The following SHISA6 variants were observed in gnomAD, a reference collection of about 807,000 sequenced individuals.
The protein encoded by SHISA6 is shisa family member 6, also known as protein shisa-6.
In SHISA6, 22 loss-of-function variants were observed where a neutral mutation model predicts 47.9. That is an observed-to-expected ratio of 0.46 (90% CI 0.33 to 0.66). SHISA6 has a LOEUF of 0.66. Among genes scored for constraint, SHISA6 ranks in the 30% least tolerant of loss-of-function variants. The pLI is 0.02. For synonymous variants in SHISA6, 388 were observed against 337.8 expected, an observed-to-expected ratio of 1.15 and a Z score of -1.63; for missense variants, 680 against 764.6, an observed-to-expected ratio of 0.89 and a Z score of 1.30.
intron 2 of SHISA6, among the ~76,000 whole-genome samples, chr17:11,329,702 A>C (rs1444822554): frequency 2.6e-5 from 4 of 152,112 alleles, no homozygotes; most frequent in African/African-American, 7.2e-5. Context: ...GATCTGCAAG[A>C]ACCAGTTGGA....
chr17:11,250,928 G>A lies in SHISA6; in HGVS notation c.638+8868G>A, dbSNP rs76385825. Among the ~76,000 whole-genome samples the A allele has an allele frequency of 5.6e-3, 856 of 152,156 alleles. 6 individuals carry two copies. Among genetic ancestry groups the A allele is most frequent in the Non-Finnish European group, 8.6e-3 (585 of 68,008 alleles). On this transcript the variant is annotated intron_variant, in intron 1 of 5. Coordinates refer to ENST00000441885, the MANE Select transcript of SHISA6 (RefSeq NM_207386.4). ...TACTCATAAGAGTGCCGGGTCTCGA[G>A]GGCTTACTCTGTACCAGCATCCAGC... is the stretch of plus-strand genomic sequence containing the variant.
Position 11,508,555 on chromosome 17 carries a change from C to A in SHISA6, c.896-43341C>A, listed in dbSNP as rs367587657. 2.2e-4 allele frequency among the ~76,000 whole-genome samples: 28 copies of A among 126,974 alleles called. 5 individuals carry two copies. The East Asian group carries it at 7.5e-3, about 34-fold the overall frequency. 83.3% of individuals were successfully genotyped at this position (126,974 alleles called of 152,430 possible). Reference sequence around the variant, plus strand: ...TGAATCAGCCCCTCCCCTCCTCTCCCCTCCCCTCCCCTCCCCTTCCTTTCC... The same window carrying A: ...TGAATCAGCCCCTCCCCTCCTCTCCACTCCCCTCCCCTCCCCTTCCTTTCC... On this transcript the variant is annotated intron_variant, in intron 3 of 5. Coordinates refer to ENST00000441885, the MANE Select transcript of SHISA6 (RefSeq NM_207386.4).
In SHISA6 at chr17:11,270,176, A is replaced by C. The variant is rs1229643970; in HGVS notation, c.799+6650A>C. 3.3e-5 allele frequency among the ~76,000 whole-genome samples: 5 copies of C among 152,166 alleles called. No individual in the cohort carries two copies. In the South Asian group the frequency reaches 1.0e-3, roughly 32 times the overall value. ...TTTTTAATAGAGACAGGGTTTCACC[A>C]TGTTGGTCAGGCTAGTCTCAAACTC... is the stretch of plus-strand genomic sequence containing the variant. On this transcript the variant is annotated intron_variant, in intron 2 of 5. Transcript: ENST00000441885.
At chr17:11,510,469 A>T (rs757743860) in intron 3 of SHISA6, among the ~76,000 whole-genome samples, 4 of 152,202 alleles carry the variant, frequency 2.6e-5, no homozygotes, top group Non-Finnish European at 5.9e-5. Context: ...GACCTTGCCA[A>T]GTGATGGGGT....
At chr17:11,391,126 A>G (rs1354718299) in intron 3 of SHISA6, among the ~76,000 whole-genome samples, 1 of 152,194 alleles carries the variant, frequency 6.6e-6, no homozygotes, top group African/African-American at 2.4e-5. Context: ...TCCTAAACAA[A>G]GACATGATCA....
intron 2 of SHISA6, among the ~76,000 whole-genome samples, chr17:11,324,791 G>A (rs719251): frequency 0.18 from 27,632 of 151,970 alleles, 2,601 homozygotes; most frequent in African/African-American, 0.23. Flanking sequence ...CATGTCATCC[G>A]ACCTGTTATG....
chr17:11,397,139 G>GT (rs1913597321), intron 3 of SHISA6, among the ~76,000 whole-genome samples: 1 of 152,000 alleles, frequency 6.6e-6, no homozygotes. Context: ...ATTTTCATAT[G>GT]TTTTTTTCCT....
At chr17:11,515,260 A>G (rs952642493) in intron 3 of SHISA6, among the ~76,000 whole-genome samples, 16 of 148,624 alleles carry the variant, frequency 1.1e-4, no homozygotes, top group African/African-American at 3.3e-4. Flanking sequence ...AAAAAAAAAG[A>G]AAAAAGAAAA....
Position 11,241,850 on chromosome 17 carries a change from C to G in SHISA6, c.428C>G (p.Thr143Ser). 1 of 1,551,290 alleles carries G rather than the reference C, an allele frequency of 6.4e-7. No homozygotes were observed. Among genetic ancestry groups the G allele is most frequent in the Non-Finnish European group, 8.7e-7 (1 of 1,147,022 alleles). Residue 143 changes from threonine (T) to serine (S), a missense_variant, in exon 1 of 6, where the codon ACC becomes AGC. Thr to Ser is a moderately conservative substitution (Grantham distance 58). This residue lies in a region of SHISA6 where 559 missense variants were observed against 674.1 expected (regional missense o/e 0.83). Coordinates refer to ENST00000441885, the MANE Select transcript of SHISA6 (RefSeq NM_207386.4). This position sits in a 1 kb window ranked among gnomAD's most constrained non-coding sequence, Gnocchi z 5.5. ...GAGAAGCTGGACCAGCGCCAGTGCACCAACTACCAGAGCCCGGTGTGGGTA... is the reference window on the plus strand; with the variant it reads ...GAGAAGCTGGACCAGCGCCAGTGCAGCAACTACCAGAGCCCGGTGTGGGTA... ...RHEKLDQRQCTNYQSPVWVQT... is the reference protein window; with the variant it reads ...RHEKLDQRQCSNYQSPVWVQT...
intron 3 of SHISA6, among the ~76,000 whole-genome samples, chr17:11,456,532 A>G (rs536090895): frequency 6.6e-6 from 1 of 152,318 alleles, no homozygotes; most frequent in Non-Finnish European, 1.5e-5. Context: ...TACATCCATA[A>G]GATGATGAAT....
chr17:11,454,018 G>A (rs966787430), intron 3 of SHISA6, among the ~76,000 whole-genome samples: 1 of 152,120 alleles, frequency 6.6e-6, no homozygotes, highest in Non-Finnish European at 1.5e-5. Context: ...GGGATTGCTG[G>A]GTCCTATGGT....
chr17:11,281,754 A>AT (rs1909126857), intron 2 of SHISA6, among the ~76,000 whole-genome samples: 1 of 152,110 alleles, frequency 6.6e-6, no homozygotes, highest in African/African-American at 2.4e-5. Flanking sequence ...ATTTTTGTTT[A>AT]TTTTTTGTAG....
intron 5 of SHISA6, 24 bp downstream of exon 5, chr17:11,555,916 G>A: frequency 6.6e-7 from 1 of 1,505,738 alleles, no homozygotes; most frequent in Non-Finnish European, 8.9e-7. Context: ...CCCCCAAGTT[G>A]GGGTCTGTCT....
At chr17:11,495,692 G>C (rs762161288) in intron 3 of SHISA6, among the ~76,000 whole-genome samples, 1 of 152,212 alleles carries the variant, frequency 6.6e-6, no homozygotes, top group Non-Finnish European at 1.5e-5. Flanking sequence ...TCTTCCTGCT[G>C]TTCCTGAAAC....
chr17:11,361,221 T>C (rs1161350772), intron 2 of SHISA6, among the ~76,000 whole-genome samples: 1 of 152,172 alleles, frequency 6.6e-6, no homozygotes, highest in African/African-American at 2.4e-5. Flanking sequence ...TTGGATTCAA[T>C]TATTCTGCTT....
intron 3 of SHISA6, among the ~76,000 whole-genome samples, chr17:11,397,565 G>T (rs1913616490): frequency 6.6e-6 from 1 of 152,020 alleles, no homozygotes; most frequent in South Asian, 2.1e-4. Context: ...TGAAACTGTT[G>T]TTTTACGTAC....
intron 2 of SHISA6, among the ~76,000 whole-genome samples, chr17:11,330,161 G>A (rs1911045301): frequency 6.6e-6 from 1 of 152,088 alleles, no homozygotes; most frequent in Non-Finnish European, 1.5e-5. Context: ...TGGTTGACCT[G>A]TCTTGGATTG....
chr17:11,331,749 C>T (rs1034393768), intron 2 of SHISA6, among the ~76,000 whole-genome samples: 33 of 151,996 alleles, frequency 2.2e-4, no homozygotes, highest in African/African-American at 7.7e-4. Flanking sequence ...CTCAAACACA[C>T]ACACACACAC....
chr17:11,345,934 A>G (rs1261984075), intron 2 of SHISA6, among the ~76,000 whole-genome samples: 1 of 151,926 alleles, frequency 6.6e-6, no homozygotes, highest in African/African-American at 2.4e-5. Context: ...TTTCTTTCCA[A>G]TTTGCTTATC....
Sources: allele counts gnomAD v4.1 joint callset (sites outside exome capture counted in the v4.1 genomes callset), GRCh38; gene constraint gnomAD v4.1.1; regional missense constraint gnomAD v4.1.1; non-coding constraint Gnocchi (gnomAD v3.1); transcripts MANE v1.5; gene names NCBI Gene and HGNC (gene_info 2026-07-23, HGNC 2026-07-21).